The following COL7A1 variants were observed in gnomAD, a reference collection of about 807,000 sequenced individuals.
COL7A1 encodes the protein collagen alpha-1(VII) chain.
COL7A1 carries 296 observed loss-of-function variants against 456.2 expected under a neutral mutation model. The ratio of observed to expected loss-of-function variants is 0.65; its 90% CI spans 0.59 to 0.71. COL7A1 has a LOEUF of 0.71. Ranked by LOEUF, COL7A1 falls within the 30% of genes least tolerant of loss-of-function variation. The pLI is 0.00. For missense variants in COL7A1, 3,441 were observed against 4,017.2 expected (o/e 0.86, Z 3.88); for synonymous variants, 1,464 against 1,525.9 (o/e 0.96, Z 0.95).
Position 48,572,268 on chromosome 3 carries a change from T to C in COL7A1, c.6979-97A>G. 6.2e-7 allele frequency: 1 copy of C among 1,611,506 alleles called. No individual in the cohort carries two copies. The highest frequency in any genetic ancestry group is 8.5e-7 in the Non-Finnish European group (1 of 1,177,696). On this transcript the variant is annotated intron_variant, in intron 90 of 118. Coordinates refer to ENST00000681320, the MANE Select transcript of COL7A1 (RefSeq NM_000094.4). The surrounding 1 kb of genome is among the most constrained non-coding windows in gnomAD (Gnocchi z 4.6). ...GCCAGAGCTTAAATATGCGGTCTAC[T>C]ATGAAAGCTGAGGGTCATGAGGGTG...
chr3:48,592,628 A>T lies in COL7A1; in HGVS notation c.918T>A (p.Thr306=). The T allele has an allele frequency of 6.2e-7, 1 of 1,613,966 alleles. No individual in the cohort carries two copies. Among genetic ancestry groups the T allele is most frequent in the Non-Finnish European group, 8.5e-7 (1 of 1,180,018 alleles). Residue 306 remains threonine (T), a synonymous_variant, in exon 8 of 119, where the codon ACT becomes ACA. Coordinates refer to ENST00000681320, the MANE Select transcript of COL7A1 (RefSeq NM_000094.4). The surrounding 1 kb of genome is among the most constrained non-coding windows in gnomAD (Gnocchi z 7.6). ...TGCTGTTGGCGTAGAGGGCAATCAC[A>T]GTCACTTGGTACTCGGTCAGTGGCC... ...GLRPLTEYQV[T]VIALYANSIG... is the part of the protein sequence containing the mutation.
rs2043544964 is a variant in COL7A1, at chr3:48,565,127, C to T, written c.8602G>A (p.Ala2868Thr). 6.2e-7 allele frequency: 1 copy of T among 1,613,944 alleles called. No homozygotes were observed. The highest frequency in any genetic ancestry group is 8.5e-7 in the Non-Finnish European group (1 of 1,179,936). ...YSVEEYQDPE[A>T]PWDSDDPCSL... ...TTCTCACCATCACTATCCCAAGGAG[C>T]TTCAGGGTCCTGGTACTCCTCCACA... Residue 2868 changes from alanine (A) to threonine (T), a missense_variant, in exon 117 of 119, where the codon GCT becomes ACT. Physicochemically the swap from Ala to Thr is moderately conservative, Grantham distance 58. Transcript: ENST00000681320. The surrounding 1 kb of genome is among the most constrained non-coding windows in gnomAD (Gnocchi z 4.5).
In COL7A1 at chr3:48,569,808, C is replaced by T. The variant is rs772829302; in HGVS notation, c.7522-48G>A. ...TCCCGCCCAAACTGGGGAGGCCCCGCACCTGAATTCTAATATCATACAAGA... is the reference window on the plus strand; with the variant it reads ...TCCCGCCCAAACTGGGGAGGCCCCGTACCTGAATTCTAATATCATACAAGA... On this transcript the variant is annotated intron_variant, in intron 100 of 118. Coordinates refer to ENST00000681320, the MANE Select transcript of COL7A1 (RefSeq NM_000094.4). The surrounding 1 kb of genome is among the most constrained non-coding windows in gnomAD (Gnocchi z 4.9). The T allele has an allele frequency of 1.3e-5, 21 of 1,614,036 alleles. No homozygotes were observed. Among genetic ancestry groups the T allele is most frequent in the Non-Finnish European group, 1.7e-5 (20 of 1,180,040 alleles).
Position 48,568,694 on chromosome 3 carries a change from C to G in COL7A1, c.7758+90G>C. 1 of 1,492,360 alleles carries G rather than the reference C, an allele frequency of 6.7e-7. No individual in the cohort carries two copies. The highest frequency in any genetic ancestry group is 9.1e-7 in the Non-Finnish European group (1 of 1,094,916). The allele number at this position is 1,492,360 out of a possible 1,614,324, so 92.4% of individuals were successfully genotyped here. A position where few individuals can be genotyped will look rare whatever the true frequency, so the allele number is the denominator to read the frequency against. On this transcript the variant is annotated intron_variant, in intron 104 of 118. Transcript: ENST00000681320. The surrounding 1 kb of genome is among the most constrained non-coding windows in gnomAD (Gnocchi z 5.2). ...GGGCCGGCAGCAAGGGAGCCAGAAC[C>G]CCCAGCACTTAAGAGGACCCCCAGG... is the stretch of plus-strand genomic sequence containing the variant.
Position 48,566,862 on chromosome 3 carries a change from G to A in COL7A1, c.8226+45C>T. 1.3e-6 allele frequency: 2 copies of A among 1,574,452 alleles called. No individual in the cohort carries two copies. The highest frequency in any genetic ancestry group is 1.7e-6 in the Non-Finnish European group (2 of 1,152,694). ...GGAAGATGGTTATGAGGTTGGAAGG[G>A]TAGGGAAGGTTCAGGGATCAGGAGT... On this transcript the variant is annotated intron_variant, in intron 111 of 118. Coordinates refer to ENST00000681320, the MANE Select transcript of COL7A1 (RefSeq NM_000094.4). The surrounding 1 kb of genome is among the most constrained non-coding windows in gnomAD (Gnocchi z 5.9).
chr3:48,586,683 G>A lies in COL7A1; in HGVS notation c.3283C>T (p.Leu1095=). 1 of 1,586,390 alleles carries A rather than the reference G, an allele frequency of 6.3e-7. No homozygotes were observed. The highest frequency in any genetic ancestry group is 8.6e-7 in the Non-Finnish European group (1 of 1,165,768). ...PLGPQAVQVG[L]LSYSHRPSPL... ...GAGGGCCGATGACTGTAAGACAGCA[G>A]GCCAACCTGGGGTGGAAGGAAACAC... Residue 1095 remains leucine, a synonymous_variant, in exon 26 of 119, where the codon CTG becomes TTG. Transcript: ENST00000681320. This position sits in a 1 kb window ranked among gnomAD's most constrained non-coding sequence, Gnocchi z 5.1.
At position 48,592,447 on chromosome 3, in the gene COL7A1, G is replaced by A. The variant is rs2107793388; in HGVS notation, c.997C>T (p.Leu333=). 1 of 1,613,752 alleles carries A rather than the reference G, an allele frequency of 6.2e-7. No individual in the cohort carries two copies. The highest frequency in any genetic ancestry group is 8.5e-7 in the Non-Finnish European group (1 of 1,180,046). The change falls in exon 9 of 119, where the codon CTG becomes TTG. Residue 333 remains leucine, a synonymous_variant. Transcript: ENST00000681320. The surrounding 1 kb of genome is among the most constrained non-coding windows in gnomAD (Gnocchi z 7.6). ...ARTTALEGPE[L]TIQNTTAHSL... ...TGGGCTGTGGTATTCTGGATGGTCA[G>A]TTCCGGCCCTTCTAGGGCAGCTGGG...
At position 48,573,973 on chromosome 3, in the gene COL7A1, G is replaced by T. The variant is rs1295223290; in HGVS notation, c.6502-83C>A. On this transcript the variant is annotated intron_variant, in intron 80 of 118. Transcript: ENST00000681320. This position sits in a 1 kb window ranked among gnomAD's most constrained non-coding sequence, Gnocchi z 5.5. Reference sequence around the variant, plus strand: ...ACCTCTGGGGGCTTTTTCCTTGGGGGTCAATTTCCATACCTCACCCTTTCC... The same window carrying T: ...ACCTCTGGGGGCTTTTTCCTTGGGGTTCAATTTCCATACCTCACCCTTTCC... 1 of 1,544,574 alleles carries T rather than the reference G, an allele frequency of 6.5e-7. No individual in the cohort carries two copies. The highest frequency in any genetic ancestry group is 1.8e-5 in the Admixed American group (1 of 54,722).
Position 48,565,792 on chromosome 3 carries a change from AG to A in COL7A1, c.8408-125del. 5 of 917,414 alleles carry A rather than the reference AG, an allele frequency of 5.5e-6. No individual in the cohort carries two copies. Among genetic ancestry groups the A allele is most frequent in the African/African-American group, 1.7e-5 (1 of 60,312 alleles). The allele number at this position is 917,414 out of a possible 1,614,324, so 56.8% of individuals were successfully genotyped here. ...CAAAGAGATAGCAGGAGAGGGTAAC[AG>A]GAGAGAGAGGAAGAGAGAGGGTGGG... is the stretch of plus-strand genomic sequence containing the variant. On this transcript the variant is annotated intron_variant, in intron 114 of 118. Coordinates refer to ENST00000681320, the MANE Select transcript of COL7A1 (RefSeq NM_000094.4). The surrounding 1 kb of genome is among the most constrained non-coding windows in gnomAD (Gnocchi z 4.5).
Position 48,579,178 on chromosome 3 carries a change from C to T in COL7A1, c.5388+19G>A, listed in dbSNP as rs551842565. The stretch of plus-strand genomic sequence containing the variant: ...GGGGTAGGGGAAGGGGACAACCAGG[C>T]AGGACTACCAAGACTCACATTCGGC... On this transcript the variant is annotated intron_variant, in intron 62 of 118. Transcript: ENST00000681320. This position sits in a 1 kb window ranked among gnomAD's most constrained non-coding sequence, Gnocchi z 4.4. 1 of 1,612,408 alleles carries T rather than the reference C, an allele frequency of 6.2e-7. No homozygotes were observed. Among genetic ancestry groups the T allele is most frequent in the Non-Finnish European group, 8.5e-7 (1 of 1,179,726 alleles).
In COL7A1 at chr3:48,564,292, C is replaced by A. The variant is rs766811016; in HGVS notation, c.*114G>T. The A allele has an allele frequency of 2.6e-5, 33 of 1,291,564 alleles. No individual in the cohort carries two copies. The highest frequency in any genetic ancestry group is 3.6e-5 in the Non-Finnish European group (32 of 893,962). The allele number at this position is 1,291,564 out of a possible 1,614,324, so 80.0% of individuals were successfully genotyped here. On this transcript the variant is annotated 3_prime_UTR_variant, in exon 119 of 119. Coordinates refer to ENST00000681320, the MANE Select transcript of COL7A1 (RefSeq NM_000094.4). This position sits in a 1 kb window ranked among gnomAD's most constrained non-coding sequence, Gnocchi z 6.0. ...CCAAGTCACTGAAATAACGGACGTG[C>A]ACACGCACGCTCACGTGCACACAAG...
Position 48,588,986 on chromosome 3 carries a change from G to C in COL7A1, c.2324C>G (p.Pro775Arg), listed in dbSNP as rs1378250523. The C allele has an allele frequency of 8.1e-6, 13 of 1,613,450 alleles. No individual in the cohort carries two copies. Among genetic ancestry groups the C allele is most frequent in the Non-Finnish European group, 1.1e-5 (13 of 1,180,036 alleles). Residue 775 changes from proline (P) to arginine (R), a missense_variant, in exon 19 of 119, where the codon CCT becomes CGT. Transcript: ENST00000681320. The surrounding 1 kb of genome is among the most constrained non-coding windows in gnomAD (Gnocchi z 4.6). ...CTGCAGCCTCGACACACGACCCACAGGCTCAGGGGCTGGGGACAGAGGCAA... is the reference window on the plus strand; with the variant it reads ...CTGCAGCCTCGACACACGACCCACACGCTCAGGGGCTGGGGACAGAGGCAA... ...ASVVVRTAPEPVGRVSRLQIL... is the reference protein window; with the variant it reads ...ASVVVRTAPERVGRVSRLQIL...
Position 48,575,130 on chromosome 3 carries a change from C to T in COL7A1, c.6217-4G>A. 1.9e-6 allele frequency: 3 copies of T among 1,613,806 alleles called. No individual in the cohort carries two copies. The highest frequency in any genetic ancestry group is 2.5e-6 in the Non-Finnish European group (3 of 1,179,906). On this transcript the variant is annotated splice_polypyrimidine_tract_variant and splice_region_variant and intron_variant, in intron 75 of 118. Transcript: ENST00000681320. This position sits in a 1 kb window ranked among gnomAD's most constrained non-coding sequence, Gnocchi z 6.3. Reference sequence around the variant, plus strand: ...GTCCAGGAGGGCCATCTCTGCCCTGCAGGAAACAAGAAAATGGGGTGGCAG... The same window carrying T: ...GTCCAGGAGGGCCATCTCTGCCCTGTAGGAAACAAGAAAATGGGGTGGCAG...
In COL7A1 at chr3:48,565,675, G is replaced by A. The variant is rs771444964; in HGVS notation, c.8408-7C>T. On this transcript the variant is annotated splice_region_variant and splice_polypyrimidine_tract_variant and intron_variant, in intron 114 of 118. Transcript: ENST00000681320. This position sits in a 1 kb window ranked among gnomAD's most constrained non-coding sequence, Gnocchi z 4.5. ...ATGAACTGGCCCTGGCAGGCTAGAG[G>A]GGGCAGAGAGGGATAGAGAGACAAT... 6.2e-7 allele frequency: 1 copy of A among 1,612,080 alleles called. No individual in the cohort carries two copies. The highest frequency in any genetic ancestry group is 1.7e-5 in the Admixed American group (1 of 59,692).
Position 48,584,953 on chromosome 3 carries a change from T to C in COL7A1, c.3976-8A>G. 1 of 1,613,690 alleles carries C rather than the reference T, an allele frequency of 6.2e-7. No individual in the cohort carries two copies. Among genetic ancestry groups the C allele is most frequent in the Non-Finnish European group, 8.5e-7 (1 of 1,179,976 alleles). ...AGGCAACCCTGGAGAGCCCTGCAAATGGAGGCCAGAGGCAGAACAGTCGGA... is the reference window on the plus strand; with the variant it reads ...AGGCAACCCTGGAGAGCCCTGCAAACGGAGGCCAGAGGCAGAACAGTCGGA... On this transcript the variant is annotated splice_region_variant and splice_polypyrimidine_tract_variant and intron_variant, in intron 33 of 118. Transcript: ENST00000681320.
rs1366649197 is a variant in COL7A1, at chr3:48,570,818, C to T, written c.7272+43G>A. The T allele has an allele frequency of 8.2e-6, 13 of 1,579,222 alleles. No homozygotes were observed. Among genetic ancestry groups the T allele is most frequent in the Non-Finnish European group, 1.1e-5 (13 of 1,162,438 alleles). On this transcript the variant is annotated intron_variant, in intron 95 of 118. Transcript: ENST00000681320. This position sits in a 1 kb window ranked among gnomAD's most constrained non-coding sequence, Gnocchi z 5.5. The stretch of plus-strand genomic sequence containing the variant: ...AAGGCAGGGCCCCCTCCTCACCCAC[C>T]ATGGATTCACCATGCCCCTACATGC...
Position 48,588,977 on chromosome 3 carries a change from C to A in COL7A1, c.2333G>T (p.Arg778Leu). The A allele has an allele frequency of 6.2e-7, 1 of 1,613,486 alleles. No individual in the cohort carries two copies. Among genetic ancestry groups the A allele is most frequent in the East Asian group, 2.2e-5 (1 of 44,886 alleles). ...VVRTAPEPVGRVSRLQILNAS... is the reference protein window; with the variant it reads ...VVRTAPEPVGLVSRLQILNAS... ...ATTGAGGATCTGCAGCCTCGACACA[C>A]GACCCACAGGCTCAGGGGCTGGGGA... Residue 778 changes from arginine to leucine, a missense_variant, in exon 19 of 119, where the codon CGT becomes CTT. Around this residue, in one of 3 missense-constraint regions of COL7A1, gnomAD observed 913 missense variants for 1,088.2 expected, o/e 0.84. Coordinates refer to ENST00000681320, the MANE Select transcript of COL7A1 (RefSeq NM_000094.4). This position sits in a 1 kb window ranked among gnomAD's most constrained non-coding sequence, Gnocchi z 4.6.
rs1243452334 is a variant in COL7A1, at chr3:48,570,524, G to A, written c.7345-24C>T. ...CCCTGTAGGTCAGAGTGAGGTGAGG[G>A]TCCTGTGGCTCTCAAAGCGCCTCCC... On this transcript the variant is annotated intron_variant, in intron 96 of 118. Coordinates refer to ENST00000681320, the MANE Select transcript of COL7A1 (RefSeq NM_000094.4). This position sits in a 1 kb window ranked among gnomAD's most constrained non-coding sequence, Gnocchi z 5.5. 6.2e-7 allele frequency: 1 copy of A among 1,613,990 alleles called. No homozygotes were observed. Among genetic ancestry groups the A allele is most frequent in the East Asian group, 2.2e-5 (1 of 44,878 alleles).
chr3:48,571,240 T>C lies in COL7A1; in HGVS notation c.7104+3A>G. 1 of 1,614,116 alleles carries C rather than the reference T, an allele frequency of 6.2e-7. No individual in the cohort carries two copies. Reference sequence around the variant, plus strand: ...CAGCAGGGACCCTTCTGGGTACACATACCTTGAAACCTTTGGGTCCTGGAG... The same window carrying C: ...CAGCAGGGACCCTTCTGGGTACACACACCTTGAAACCTTTGGGTCCTGGAG... On this transcript the variant is annotated splice_donor_region_variant and intron_variant, in intron 93 of 118. Transcript: ENST00000681320. The surrounding 1 kb of genome is among the most constrained non-coding windows in gnomAD (Gnocchi z 4.6).
Sources: gnomAD v4.1 joint callset for allele counts on GRCh38, gnomAD v4.1.1 for gene constraint, gnomAD v4.1.1 regional missense constraint, Gnocchi (gnomAD v3.1) non-coding constraint, MANE v1.5 for transcripts, NCBI Gene and HGNC (gene_info 2026-07-23, HGNC 2026-07-21) for gene names.